The following KCNK12 variants were observed in gnomAD, a reference collection of about 807,000 sequenced individuals.
KCNK12 encodes the protein potassium two pore domain channel subfamily K member 12.
In KCNK12, 6 loss-of-function variants were observed where a neutral mutation model predicts 25.3. The ratio of observed to expected loss-of-function variants is 0.24; its 90% CI spans 0.13 to 0.47. The LOEUF is 0.47. KCNK12 is among the 20% of genes least tolerant of loss of function. KCNK12 has a pLI of 0.99. For missense variants in KCNK12, 444 were observed against 661.7 expected (o/e 0.67, Z 3.61); for synonymous variants, 331 against 311.1 (o/e 1.06, Z -0.67).
chr2:47,514,063 T>G lies in KCNK12; in HGVS notation c.*6844A>C, dbSNP rs1168401369. 1.3e-5 allele frequency among the ~76,000 whole-genome samples: 2 copies of G among 152,140 alleles called. No individual in the cohort carries two copies. Among genetic ancestry groups the G allele is most frequent in the Non-Finnish European group, 1.5e-5 (1 of 68,010 alleles). ...GCCCTTCGCTATCTGGCCCCCTCAT[T>G]ACCTCCCTTGCTCTGCATGCTCCAG... On this transcript the variant is annotated 3_prime_UTR_variant, in exon 2 of 2. Transcript: ENST00000327876. This position sits in a 1 kb window ranked among gnomAD's most constrained non-coding sequence, Gnocchi z 5.0.
chr2:47,537,423 C>T (rs1398103939), intron 1 of KCNK12, among the ~76,000 whole-genome samples: 8 of 151,940 alleles, frequency 5.3e-5, no homozygotes, highest in Admixed American at 2.0e-4. Context: ...CTCCGCCTCC[C>T]GGGTTCAAGT....
At chr2:47,524,388 C>T (rs1055026587) in intron 1 of KCNK12, among the ~76,000 whole-genome samples, 1 of 152,150 alleles carries the variant, frequency 6.6e-6, no homozygotes, top group Admixed American at 6.5e-5. Context: ...AAGCATGAAC[C>T]ATAGCTACTT....
chr2:47,570,627 T>G lies in KCNK12; in HGVS notation c.-296A>C. 1.0e-5 allele frequency: 2 copies of G among 193,884 alleles called. No individual in the cohort carries two copies. Among genetic ancestry groups the G allele is most frequent in the Non-Finnish European group, 2.1e-5 (2 of 95,816 alleles). 12.0% of individuals were successfully genotyped at this position (193,884 alleles called of 1,614,324 possible). A position where few individuals can be genotyped will look rare whatever the true frequency, so the allele number is the denominator to read the frequency against. On this transcript the variant is annotated 5_prime_UTR_variant, in exon 1 of 2. Coordinates refer to ENST00000327876, the MANE Select transcript of KCNK12 (RefSeq NM_022055.2). ...GCTCCCGCGGCTCCTTACCCGCCGCTCTCGGGCGCGGGGCTCCGCAGCTAG... is the reference window on the plus strand; with the variant it reads ...GCTCCCGCGGCTCCTTACCCGCCGCGCTCGGGCGCGGGGCTCCGCAGCTAG...
chr2:47,547,388 C>A lies in KCNK12; in HGVS notation c.391+22553G>T, dbSNP rs1470386634. Among the ~76,000 whole-genome samples, 1 of 152,158 alleles carries A rather than the reference C, an allele frequency of 6.6e-6. No homozygotes were observed. The highest frequency in any genetic ancestry group is 1.5e-5 in the Non-Finnish European group (1 of 68,030). On this transcript the variant is annotated intron_variant, in intron 1 of 1. Transcript: ENST00000327876. The surrounding 1 kb of genome is among the most constrained non-coding windows in gnomAD (Gnocchi z 5.0). ...ACCTGGGCATCAAGGCTTAAAAACTCCCAGGTAATTTTAATATGCAGCCAG... is the reference window on the plus strand; with the variant it reads ...ACCTGGGCATCAAGGCTTAAAAACTACCAGGTAATTTTAATATGCAGCCAG...
chr2:47,521,948 A>G, intron 1 of KCNK12, 140 bp from the exon 2 acceptor site: 1 of 670,608 alleles, frequency 1.5e-6, no homozygotes, highest in South Asian at 2.3e-5. Flanking sequence ...GTGGAGGAAG[A>G]ACAGCACTTA....
At chr2:47,526,436 G>A (rs1668778589) in intron 1 of KCNK12, among the ~76,000 whole-genome samples, 1 of 138,028 alleles carries the variant, frequency 7.2e-6, no homozygotes, top group South Asian at 2.4e-4. Flanking sequence ...AGAAAGAAAA[G>A]AAACAAAGAA....
At chr2:47,544,345 C>T (rs1669266408) in intron 1 of KCNK12, among the ~76,000 whole-genome samples, 1 of 152,234 alleles carries the variant, frequency 6.6e-6, no homozygotes, top group African/African-American at 2.4e-5. Context: ...CCAGGGAACC[C>T]CTGGCATCTC....
chr2:47,532,851 G>C (rs1324594351), intron 1 of KCNK12, among the ~76,000 whole-genome samples: 1 of 152,178 alleles, frequency 6.6e-6, no homozygotes, highest in Non-Finnish European at 1.5e-5. Flanking sequence ...CTGCAGGCTT[G>C]GGAAGGGCCT....
At position 47,565,920 on chromosome 2, in the gene KCNK12, G is replaced by A. The variant is rs968473767; in HGVS notation, c.391+4021C>T. 3 of 152,204 alleles carry A rather than the reference G, an allele frequency of 2.0e-5. No homozygotes were observed. The highest frequency in any genetic ancestry group is 4.4e-5 in the Non-Finnish European group (3 of 68,038). 9.4% of individuals were successfully genotyped at this position (152,204 alleles called of 1,614,324 possible). A position where few individuals can be genotyped will look rare whatever the true frequency, so the allele number is the denominator to read the frequency against. On this transcript the variant is annotated intron_variant, in intron 1 of 1. Transcript: ENST00000327876. This position sits in a 1 kb window ranked among gnomAD's most constrained non-coding sequence, Gnocchi z 5.0. ...TCTATGATGAGTGATGCTTGTCTTA[G>A]ATGTTTTTTAATTGGCAGAATGAAT...
At position 47,514,556 on chromosome 2, in the gene KCNK12, G is replaced by A. The variant is rs775650271; in HGVS notation, c.*6351C>T. The stretch of plus-strand genomic sequence containing the variant: ...AGATAAATATGCAAGTCTCTTATCT[G>A]GGGGTCTGGCTTGGTAAATATAAAG... On this transcript the variant is annotated 3_prime_UTR_variant, in exon 2 of 2. Coordinates refer to ENST00000327876, the MANE Select transcript of KCNK12 (RefSeq NM_022055.2). This position sits in a 1 kb window ranked among gnomAD's most constrained non-coding sequence, Gnocchi z 5.0. Among the ~76,000 whole-genome samples, 3 of 152,130 alleles carry A rather than the reference G, an allele frequency of 2.0e-5. No individual in the cohort carries two copies. The highest frequency in any genetic ancestry group is 4.8e-5 in the African/African-American group (2 of 41,442).
rs543793114 is a variant in KCNK12, at chr2:47,556,383, C to A, written c.391+13558G>T. On this transcript the variant is annotated intron_variant, in intron 1 of 1. Transcript: ENST00000327876. This position sits in a 1 kb window ranked among gnomAD's most constrained non-coding sequence, Gnocchi z 4.8. ...AGATTACTTCTGATTACTTTTATTA[C>A]CTCAATGGAGTGTGAAAGAAAGGTA... 6.6e-6 allele frequency among the ~76,000 whole-genome samples: 1 copy of A among 152,140 alleles called. No homozygotes were observed. The highest frequency in any genetic ancestry group is 2.4e-5 in the African/African-American group (1 of 41,488).
At chr2:47,544,231 G>C (rs2104824992) in intron 1 of KCNK12, among the ~76,000 whole-genome samples, 1 of 152,262 alleles carries the variant, frequency 6.6e-6, no homozygotes, top group South Asian at 2.1e-4. Context: ...TGGTGTTTCG[G>C]GGATAAAGCT....
Position 47,538,791 on chromosome 2 carries a change from C to T in KCNK12, c.392-16983G>A, listed in dbSNP as rs1410843337. 6.6e-6 allele frequency among the ~76,000 whole-genome samples: 1 copy of T among 152,116 alleles called. No homozygotes were observed. The highest frequency in any genetic ancestry group is 2.4e-5 in the African/African-American group (1 of 41,420). ...GACAAAGAGATTAGCCAGCAAATCC[C>T]TCCTGCACACTTTCAGGGCAAAGTT... On this transcript the variant is annotated intron_variant, in intron 1 of 1. Transcript: ENST00000327876. This position sits in a 1 kb window ranked among gnomAD's most constrained non-coding sequence, Gnocchi z 4.5.
At chr2:47,546,715 C>T (rs1263122069) in intron 1 of KCNK12, among the ~76,000 whole-genome samples, 1 of 152,162 alleles carries the variant, frequency 6.6e-6, no homozygotes, top group Non-Finnish European at 1.5e-5. Flanking sequence ...CCTCAATTTA[C>T]CTACTCTCCC....
intron 1 of KCNK12, among the ~76,000 whole-genome samples, chr2:47,542,944 G>C (rs7575486): frequency 0.29 from 43,538 of 152,034 alleles, 7,067 homozygotes; most frequent in East Asian, 0.68. Context: ...TTTAGAGATG[G>C]GGTCTCACTG....
rs1252558173 is a variant in KCNK12 at position 47,569,812 on chromosome 2, C to A, written c.391+129G>T. On this transcript the variant is annotated intron_variant, in intron 1 of 1. Coordinates refer to ENST00000327876, the MANE Select transcript of KCNK12 (RefSeq NM_022055.2). This position sits in a 1 kb window ranked among gnomAD's most constrained non-coding sequence, Gnocchi z 4.1. ...GGGGCCGGCGGAGAAGAGGGCGAGA[C>A]GAAAGTAAGCAAAGGGACATTAGAA... 2 of 743,968 alleles carry A rather than the reference C, an allele frequency of 2.7e-6. No homozygotes were observed. Among genetic ancestry groups the A allele is most frequent in the Non-Finnish European group, 3.8e-6 (2 of 531,132 alleles). The allele number at this position is 743,968 out of a possible 1,614,324, so 46.1% of individuals were successfully genotyped here. A position where few individuals can be genotyped will look rare whatever the true frequency, so the allele number is the denominator to read the frequency against.
intron 1 of KCNK12, among the ~76,000 whole-genome samples, chr2:47,561,111 C>G (rs1327713664): frequency 2.0e-5 from 3 of 152,212 alleles, no homozygotes; most frequent in Non-Finnish European, 1.5e-5. Context: ...CAGCCAGCAT[C>G]TGGCTTCCCT....
At chr2:47,561,566 C>T (rs1367512225) in intron 1 of KCNK12, among the ~76,000 whole-genome samples, 2 of 152,102 alleles carry the variant, frequency 1.3e-5, no homozygotes, top group Non-Finnish European at 2.9e-5. Context: ...AGGAAATGTG[C>T]CTTGGCCTCC....
rs1326208625 is a variant in KCNK12, at chr2:47,521,696, G to A, written c.504C>T (p.Ile168=). ...GCATGATGAAGGCCAGCAGCGAGAT[G>A]ATGCGCTCCAGGAAGAGGTTGAAGA... ...ILFFNLFLER[I]ISLLAFIMRA... is the part of the protein sequence containing the mutation. Residue 168 remains isoleucine (I), a synonymous_variant, in exon 2 of 2, where the codon ATC becomes ATT. Coordinates refer to ENST00000327876, the MANE Select transcript of KCNK12 (RefSeq NM_022055.2). The A allele has an allele frequency of 1.9e-6, 3 of 1,603,164 alleles. No homozygotes were observed. The highest frequency in any genetic ancestry group is 2.2e-5 in the East Asian group (1 of 44,714).
Sources: gnomAD v4.1 joint callset for allele counts (sites outside exome capture counted in the v4.1 genomes callset) on GRCh38, gnomAD v4.1.1 for gene constraint, Gnocchi (gnomAD v3.1) non-coding constraint, MANE v1.5 for transcripts, NCBI Gene and HGNC (gene_info 2026-07-23, HGNC 2026-07-21) for gene names.